IL32: variants seen among roughly 807,000 people sequenced by gnomAD.
The protein encoded by IL32 is interleukin-32.
A neutral mutation model predicts 16.6 loss-of-function variants in IL32; 30 were observed. That is an observed-to-expected ratio of 1.81 (90% confidence interval 1.35 to 2.45). IL32 has a LOEUF of 2.45. IL32 is among the 30% of genes most tolerant of loss of function. The probability of loss-of-function intolerance (pLI) is 0.00; values close to 1 mark genes in which losing one functional copy is unlikely to be tolerated. For missense variants in IL32, 234 were observed against 229.8 expected (o/e 1.02, Z -0.12); for synonymous variants, 70 against 86.1 (o/e 0.81, Z 1.03).
chr16:3,068,310 CT>C, intron 6 of IL32, 71 bp downstream of exon 6: 2 of 1,381,418 alleles, frequency 1.4e-6, no homozygotes, highest in Non-Finnish European at 2.0e-6. Flanking sequence ...TTCTTTCTTT[CT>C]TTTTGTTTAT....
chr16:3,067,960 A>T, intron 4 of IL32, 24 bp from the exon 5 acceptor site: 5 of 1,614,010 alleles, frequency 3.1e-6, no homozygotes, highest in Non-Finnish European at 2.5e-6. Flanking sequence ...TTGGGCCTGG[A>T]ACCGAGTGCT....
chr16:3,068,205 A>G lies in IL32; in HGVS notation c.167A>G (p.Glu56Gly), dbSNP rs1319931164. The part of the protein sequence containing the change: ...LEDDFKEGYL[E>G]TVAAYYEEQH... ...GACGACTTCAAAGAGGGCTACCTGG[A>G]GACAGTGGCGGCTTATTATGAGGAG... Residue 56 changes from glutamate (E) to glycine (G), a missense_variant, in exon 6 of 7, where the codon GAG becomes GGG. Transcript: ENST00000525643. 7 of 1,603,336 alleles carry G rather than the reference A, an allele frequency of 4.4e-6. No individual in the cohort carries two copies. The highest frequency in any genetic ancestry group is 6.0e-6 in the Non-Finnish European group (7 of 1,174,774).
chr16:3,068,885 C>T (rs968597217), intron 6 of IL32, 105 bp from the exon 7 acceptor site: 199 of 1,549,430 alleles, frequency 1.3e-4, no homozygotes, highest in Middle Eastern at 1.1e-3. Context: ...CACCTGTGGG[C>T]CTCCGTCTCC....
At chr16:3,066,581 T>C (rs1301736769) in intron 2 of IL32, among the ~76,000 whole-genome samples, 2 of 151,970 alleles carry the variant, frequency 1.3e-5, no homozygotes, top group African/African-American at 2.4e-5. Context: ...GCGGGGATTC[T>C]GTGGGGTGCC....
At position 3,067,235 on chromosome 16, in the gene IL32, C is replaced by T. The variant is rs142610556; in HGVS notation, c.16-142C>T. 291 of 611,306 alleles carry T rather than the reference C, an allele frequency of 4.8e-4. 3 individuals carry two copies. The East Asian group carries it at 8.3e-3, about 17-fold the overall frequency. 37.9% of individuals were successfully genotyped at this position (611,306 alleles called of 1,614,324 possible). A position where few individuals can be genotyped will look rare whatever the true frequency, so the allele number is the denominator to read the frequency against. On this transcript the variant is annotated intron_variant, in intron 2 of 6. Coordinates refer to ENST00000525643, the MANE Select transcript of IL32 (RefSeq NM_001376923.1). ...AGGCTGTGAGGGGCTCCTGGGACTGCTGTCTCCTCTTATCCTGTACCTCTG... is the reference window on the plus strand; with the variant it reads ...AGGCTGTGAGGGGCTCCTGGGACTGTTGTCTCCTCTTATCCTGTACCTCTG...
intron 4 of IL32, 178 bp downstream of exon 4, chr16:3,067,791 C>A: frequency 1.2e-6 from 1 of 811,894 alleles, no homozygotes; most frequent in Non-Finnish European, 2.0e-6. Context: ...TCTGGACGCC[C>A]GGGGAGACTG....
chr16:3,067,254 A>ACCTCTG (rs1407854772), intron 2 of IL32, 123 bp from the exon 3 acceptor site: 2 of 619,136 alleles, frequency 3.2e-6, no homozygotes, highest in East Asian at 6.0e-5. Context: ...CTTATCCTGT[A>ACCTCTG]CCTCTGCCAT....
rs527602462 is a variant in IL32, at chr16:3,066,638, C to T, written c.16-739C>T. Among the ~76,000 whole-genome samples the T allele has an allele frequency of 1.5e-3, 222 of 152,186 alleles. 2 individuals carry two copies. The highest frequency in any genetic ancestry group is 8.3e-4 in the South Asian group (4 of 4,808). Reference sequence around the variant, plus strand: ...CACGTGTCTGCAGGCAGGAATGGCCCGGGACCTGTGGGTCTGCATGTTGGC... The same window carrying T: ...CACGTGTCTGCAGGCAGGAATGGCCTGGGACCTGTGGGTCTGCATGTTGGC... On this transcript the variant is annotated intron_variant, in intron 2 of 6. Transcript: ENST00000525643.
intron 2 of IL32, 44 bp downstream of exon 2, chr16:3,065,870 C>G (rs1471546165): frequency 6.2e-7 from 1 of 1,613,138 alleles, no homozygotes; most frequent in South Asian, 1.1e-5. Flanking sequence ...TGTCTGAAAA[C>G]AGACCGTAAG....
rs1596235418 is a variant in IL32, at chr16:3,065,889, T to G, written c.15+63T>G. 3.1e-6 allele frequency: 5 copies of G among 1,597,050 alleles called. No homozygotes were observed. In the East Asian group the frequency reaches 8.9e-5, roughly 29 times the overall value. On this transcript the variant is annotated intron_variant, in intron 2 of 6. Coordinates refer to ENST00000525643, the MANE Select transcript of IL32 (RefSeq NM_001376923.1). ...TGAAAACAGACCGTAAGGGTGCGGG[T>G]GCCCTCAGTATTTCCCGAGGTGCCT...
intron 4 of IL32, 84 bp from the exon 5 acceptor site, chr16:3,067,900 T>C (rs564249641): frequency 5.4e-6 from 8 of 1,490,936 alleles, no homozygotes; most frequent in Non-Finnish European, 6.6e-6. Flanking sequence ...GTGTGGGAGC[T>C]GAGGACTCAC....
intron 2 of IL32, 98 bp from the exon 3 acceptor site, chr16:3,067,279 G>GTGTCTC (rs1956468895): frequency 2.4e-5 from 10 of 422,630 alleles, no homozygotes; most frequent in South Asian, 1.4e-4. Flanking sequence ...CTCTGTGTGT[G>GTGTCTC]TGTGTGTGTG....
intron 2 of IL32, 25 bp downstream of exon 2, chr16:3,065,851 T>C (rs1354398010): frequency 3.2e-5 from 52 of 1,613,962 alleles, no homozygotes; most frequent in Non-Finnish European, 4.3e-5. Flanking sequence ...GCGTGTGCTT[T>C]TGTGGGCATG....
intron 6 of IL32, 102 bp from the exon 7 acceptor site, chr16:3,068,888 C>T: frequency 1.9e-6 from 3 of 1,557,666 alleles, no homozygotes; most frequent in Non-Finnish European, 2.6e-6. Context: ...CTGTGGGCCT[C>T]CGTCTCCCAG....
chr16:3,065,627 AT>A (rs1567136824), upstream of IL32: 4 of 716,540 alleles, frequency 5.6e-6, no homozygotes, highest in African/African-American at 1.8e-5. Context: ...CCAGCTGAGT[AT>A]TTGTGCCAGG....
At chr16:3,067,320 C>G (rs1305595896) in intron 2 of IL32, 57 bp from the exon 3 acceptor site, 17 of 779,324 alleles carry the variant, frequency 2.2e-5, no homozygotes, top group Non-Finnish European at 3.5e-5. Flanking sequence ...TATAAATTAT[C>G]CTGGAGGAAA....
chr16:3,067,743 G>A (rs994643075), intron 4 of IL32, 130 bp downstream of exon 4: 1 of 879,892 alleles, frequency 1.1e-6, no homozygotes, highest in Admixed American at 2.0e-5. Flanking sequence ...GTGGGCAAAT[G>A]CTTGCACCTG....
chr16:3,067,196 T>C (rs1050313807), intron 2 of IL32, among the ~76,000 whole-genome samples, 181 bp from the exon 3 acceptor site: 1 of 151,864 alleles, frequency 6.6e-6, no homozygotes. Context: ...AGGACAGCCC[T>C]GGCCGGTCTT....
intron 5 of IL32, 65 bp downstream of exon 5, chr16:3,068,075 G>A (rs980109039): frequency 3.7e-6 from 6 of 1,609,472 alleles, no homozygotes; most frequent in Non-Finnish European, 5.1e-6. Context: ...AGGACACTGG[G>A]TCTGGGCCCC....
Sources: allele counts gnomAD v4.1 joint callset (sites outside exome capture counted in the v4.1 genomes callset), GRCh38; gene constraint gnomAD v4.1.1; transcripts MANE v1.5; gene names NCBI Gene and HGNC (gene_info 2026-07-23, HGNC 2026-07-21).